LRFN2: variants seen among roughly 807,000 people sequenced by gnomAD.
LRFN2 encodes leucine rich repeat and fibronectin type III domain containing 2.
In LRFN2, 18 loss-of-function variants were observed where a neutral mutation model predicts 37.3. That is an observed-to-expected ratio of 0.48 (90% CI 0.33 to 0.72). The LOEUF (loss-of-function observed/expected upper bound fraction) is 0.72. Ranked by LOEUF, LRFN2 falls within the 30% of genes least tolerant of loss-of-function variation. The pLI, the probability that LRFN2 is intolerant of heterozygous loss-of-function variation, is 0.02. For missense variants in LRFN2, 1,006 were observed against 1,060.7 expected (o/e 0.95, Z 0.72); for synonymous variants, 556 against 466.6 (o/e 1.19, Z -2.47).
intron 1 of LRFN2, among the ~76,000 whole-genome samples, chr6:40,471,240 ACAGGAAGG>A (rs1237853091): frequency 2.6e-5 from 4 of 152,148 alleles, no homozygotes; most frequent in Non-Finnish European, 4.4e-5. Context: ...GGTAGAAGGT[ACAGGAAGG>A]CAACTTTAGG....
intron 1 of LRFN2, among the ~76,000 whole-genome samples, chr6:40,446,830 C>T (rs541927860): frequency 6.6e-5 from 10 of 152,274 alleles, no homozygotes; most frequent in Admixed American, 2.0e-4. Flanking sequence ...GGAGCTGTGT[C>T]CCCCCTCAGA....
chr6:40,392,059 A>G lies in LRFN2; in HGVS notation c.2254T>C (p.Trp752Arg). The part of the protein sequence containing the change: ...YSPPRKVSNI[W>R]TKRSLSVNGM... ...TTGACAGAGAGGCTGCGCTTCGTCC[A>G]GATGTTCGAGACCTTCCGAGGAGGA... is the stretch of plus-strand genomic sequence containing the variant. Residue 752 changes from tryptophan to arginine, a missense_variant, in exon 3 of 3, where the codon TGG (tryptophan) becomes CGG (arginine). Transcript: ENST00000338305. The surrounding 1 kb of genome is among the most constrained non-coding windows in gnomAD (Gnocchi z 4.7). 1.9e-6 allele frequency: 3 copies of G among 1,614,044 alleles called. No homozygotes were observed. Among genetic ancestry groups the G allele is most frequent in the Non-Finnish European group, 2.5e-6 (3 of 1,180,004 alleles).
At chr6:40,559,284 C>T (rs1224318780) in intron 1 of LRFN2, among the ~76,000 whole-genome samples, 1 of 152,110 alleles carries the variant, frequency 6.6e-6, no homozygotes, top group Non-Finnish European at 1.5e-5. Flanking sequence ...AAATCAGGGC[C>T]CCTAAGTAAA....
intron 1 of LRFN2, among the ~76,000 whole-genome samples, chr6:40,556,526 A>G (rs11760150): frequency 0.47 from 71,556 of 151,430 alleles, 17,870 homozygotes; most frequent in African/African-American, 0.64. Context: ...GATTCTGCAG[A>G]AGACTTTGCC....
chr6:40,579,613 AAC>A (rs34819147), intron 1 of LRFN2, among the ~76,000 whole-genome samples: 105 of 144,872 alleles, frequency 7.2e-4, no homozygotes, highest in East Asian at 1.8e-3. Context: ...AACACACACA[AAC>A]ACACACACAC....
intron 2 of LRFN2, among the ~76,000 whole-genome samples, chr6:40,398,867 T>A (rs1323757749): frequency 6.6e-6 from 1 of 151,892 alleles, no homozygotes; most frequent in Non-Finnish European, 1.5e-5. Context: ...AGCACACAAA[T>A]CTACGGCTGA....
intron 2 of LRFN2, among the ~76,000 whole-genome samples, chr6:40,413,324 C>T (rs922591862): frequency 1.1e-4 from 17 of 152,330 alleles, no homozygotes; most frequent in African/African-American, 3.6e-4. Flanking sequence ...CAGGGAATCC[C>T]GTGACTGTCC....
chr6:40,432,997 G>A lies in LRFN2; in HGVS notation c.117C>T (p.Pro39=), dbSNP rs752326601. The A allele has an allele frequency of 6.2e-7, 1 of 1,610,430 alleles. No homozygotes were observed. The highest frequency in any genetic ancestry group is 8.5e-7 in the Non-Finnish European group (1 of 1,177,890). ...NLSESLGTLC[P]SKGLLFVPPD... ...GGGGTACAAAGAGCAGCCCCTTGGA[G>A]GGGCACAGGGTCCCCAGTGACTCAG... is the stretch of plus-strand genomic sequence containing the variant. Residue 39 remains proline, a synonymous_variant, in exon 2 of 3, where the codon CCC becomes CCT. Transcript: ENST00000338305.
At chr6:40,561,186 T>C (rs1295396693) in intron 1 of LRFN2, among the ~76,000 whole-genome samples, 1 of 151,994 alleles carries the variant, frequency 6.6e-6, no homozygotes, top group African/African-American at 2.4e-5. Context: ...GCCCCAAGAT[T>C]CTCGATGTTC....
chr6:40,541,423 G>C (rs1177182383), intron 1 of LRFN2, among the ~76,000 whole-genome samples: 1 of 152,170 alleles, frequency 6.6e-6, no homozygotes, highest in Non-Finnish European at 1.5e-5. Context: ...GTGTTCCCTG[G>C]GCCACAGCTG....
chr6:40,543,155 A>G (rs986415237), intron 1 of LRFN2, among the ~76,000 whole-genome samples: 10 of 152,230 alleles, frequency 6.6e-5, no homozygotes, highest in African/African-American at 2.4e-4. Context: ...CGCAAAGACC[A>G]CAAGTGTGTT....
At chr6:40,434,054 G>A (rs528104969) in intron 1 of LRFN2, among the ~76,000 whole-genome samples, 27 of 152,274 alleles carry the variant, frequency 1.8e-4, no homozygotes, top group African/African-American at 6.5e-4. Context: ...CCGCTGCATA[G>A]CCCTCTTCTC....
At chr6:40,450,170 T>C (rs1036812823) in intron 1 of LRFN2, among the ~76,000 whole-genome samples, 1 of 152,158 alleles carries the variant, frequency 6.6e-6, no homozygotes, top group African/African-American at 2.4e-5. Context: ...CTCACCGGCC[T>C]CCTTACCCCA....
intron 1 of LRFN2, among the ~76,000 whole-genome samples, chr6:40,446,143 C>T (rs1763964392): frequency 6.6e-6 from 1 of 152,154 alleles, no homozygotes; most frequent in Admixed American, 6.5e-5. Flanking sequence ...CTGCTGTTGT[C>T]GGTTAGATGG....
In LRFN2 at chr6:40,488,607, C is replaced by G. The variant is rs145557495; in HGVS notation, c.-18-55476G>C. ...TCCCTTGACCAAGCCATTTATCAAGCCTTCTGTGGCCCATAGAGTGTAATT... is the reference window on the plus strand; with the variant it reads ...TCCCTTGACCAAGCCATTTATCAAGGCTTCTGTGGCCCATAGAGTGTAATT... On this transcript the variant is annotated intron_variant, in intron 1 of 2. Transcript: ENST00000338305. Among the ~76,000 whole-genome samples the G allele has an allele frequency of 1.7e-3, 266 of 152,294 alleles. 2 individuals carry two copies. The highest frequency in any genetic ancestry group is 5.7e-3 in the African/African-American group (238 of 41,558).
intron 1 of LRFN2, among the ~76,000 whole-genome samples, chr6:40,534,508 T>G (rs1766413961): frequency 6.6e-6 from 1 of 152,074 alleles, no homozygotes; most frequent in Non-Finnish European, 1.5e-5. Flanking sequence ...ACAAGATCTG[T>G]GCAGGCTCTG....
rs949030979 is a variant in LRFN2, at chr6:40,538,480, T to A, written c.-19+48461A>T. The stretch of plus-strand genomic sequence containing the variant: ...GGTCCAATTACACTGAGAGACTGGC[T>A]GGCTTAAGAAGAGAAATCCTCGCAT... On this transcript the variant is annotated intron_variant, in intron 1 of 2. Coordinates refer to ENST00000338305, the MANE Select transcript of LRFN2 (RefSeq NM_020737.3). 7.9e-5 allele frequency among the ~76,000 whole-genome samples: 12 copies of A among 152,268 alleles called. No individual in the cohort carries two copies. The East Asian group carries it at 2.1e-3, about 27-fold the overall frequency.
At chr6:40,582,926 C>T (rs1446247401) in intron 1 of LRFN2, among the ~76,000 whole-genome samples, 3 of 152,154 alleles carry the variant, frequency 2.0e-5, no homozygotes, top group Admixed American at 2.0e-4. Flanking sequence ...GATCCCTACT[C>T]AGGTGATGCT....
At chr6:40,583,613 G>C (rs1222609036) in intron 1 of LRFN2, among the ~76,000 whole-genome samples, 1 of 152,176 alleles carries the variant, frequency 6.6e-6, no homozygotes, top group African/African-American at 2.4e-5. Flanking sequence ...AGTTTACAAA[G>C]TGCAGTCACA....
Sources: allele counts gnomAD v4.1 joint callset (sites outside exome capture counted in the v4.1 genomes callset), GRCh38; gene constraint gnomAD v4.1.1; non-coding constraint Gnocchi (gnomAD v3.1); transcripts MANE v1.5; gene names NCBI Gene and HGNC (gene_info 2026-07-23, HGNC 2026-07-21).